SIPA1L3: variants seen among roughly 807,000 people sequenced by gnomAD.
SIPA1L3 encodes signal induced proliferation associated 1 like 3.
In SIPA1L3, 59 loss-of-function variants were observed where a neutral mutation model predicts 150.1. The observed-to-expected ratio is 0.39, with a 90% CI of 0.32 to 0.49. SIPA1L3 has a LOEUF of 0.49. Among genes scored for constraint, SIPA1L3 ranks in the 20% least tolerant of loss-of-function variants. The pLI is 0.86. For synonymous variants in SIPA1L3, 1,070 were observed against 1,077.6 expected (o/e 0.99, Z 0.14); for missense variants, 2,211 against 2,489.5 (o/e 0.89, Z 2.38).
chr19:38,195,792 G>GCC (rs1972909893), intron 18 of SIPA1L3, among the ~76,000 whole-genome samples: 1 of 22,788 alleles, frequency 4.4e-5, no homozygotes, highest in Non-Finnish European at 8.8e-5. Context: ...CACAGGCCCC[G>GCC]TCCCCCCCCG....
rs1220258076 is a variant in SIPA1L3, at chr19:37,963,654, C to A, written c.-379+56296C>A. ...TATTTATTGAGTTTTTGAGTAACTG[C>A]TTCTTGGGTAGTTATATGCCTTTGG... On this transcript the variant is annotated intron_variant, in intron 1 of 21. Transcript: ENST00000222345. Among the ~76,000 whole-genome samples the A allele has an allele frequency of 4.6e-5, 7 of 152,218 alleles. No individual in the cohort carries two copies. The East Asian group carries it at 1.3e-3, about 29-fold the overall frequency.
chr19:38,108,550 C>G (rs184237204), intron 7 of SIPA1L3: 5 of 152,226 alleles, frequency 3.3e-5, no homozygotes, highest in African/African-American at 1.2e-4. Context: ...ACTAACCATT[C>G]AACAGTAGGA....
At chr19:37,955,306 G>A (rs2046800540) in intron 1 of SIPA1L3, among the ~76,000 whole-genome samples, 1 of 151,342 alleles carries the variant, frequency 6.6e-6, no homozygotes, top group African/African-American at 2.4e-5. Context: ...CAGGAGAATC[G>A]CTTGAACCTA....
rs867751979 is a variant in SIPA1L3 at position 38,206,561 on chromosome 19, C to G, written c.*321C>G. The G allele has an allele frequency of 7.0e-5, 17 of 241,826 alleles. No homozygotes were observed. The highest frequency in any genetic ancestry group is 2.5e-4 in the South Asian group (2 of 7,858). 15.0% of individuals were successfully genotyped at this position (241,826 alleles called of 1,614,324 possible). On this transcript the variant is annotated 3_prime_UTR_variant, in exon 22 of 22. Coordinates refer to ENST00000222345, the MANE Select transcript of SIPA1L3 (RefSeq NM_015073.3). ...TAGCCTCTTCCTGGGACCAGCCCTTCGAAGCTGATGGGGACGGAGAGAGGA... is the reference window on the plus strand; with the variant it reads ...TAGCCTCTTCCTGGGACCAGCCCTTGGAAGCTGATGGGGACGGAGAGAGGA...
At chr19:38,070,191 C>CCTATCTAT (rs10546386) in intron 2 of SIPA1L3, among the ~76,000 whole-genome samples, 1,847 of 148,832 alleles carry the variant, frequency 0.012, 29 homozygotes, top group African/African-American at 0.025. Context: ...GATCTTCAGT[C>CCTATCTAT]CTATCTATCT....
chr19:38,147,924 A>G (rs1038550300), intron 12 of SIPA1L3, among the ~76,000 whole-genome samples: 5 of 152,132 alleles, frequency 3.3e-5, no homozygotes, highest in African/African-American at 1.2e-4. Flanking sequence ...GCTGACCCTG[A>G]CGTAGAACTT....
Position 38,177,132 on chromosome 19 carries a change from T to C in SIPA1L3, c.4209-5387T>C, listed in dbSNP as rs548191796. Among the ~76,000 whole-genome samples, 371 of 151,850 alleles carry C rather than the reference T, an allele frequency of 2.4e-3. 4 individuals are homozygous for C. Among genetic ancestry groups the C allele is most frequent in the African/African-American group, 8.5e-3 (354 of 41,420 alleles). ...ATCCTAGCACTTTGGGAGGCCAAGGTGGGCAGATCATGAGGTCAGGAGATC... is the reference window on the plus strand; with the variant it reads ...ATCCTAGCACTTTGGGAGGCCAAGGCGGGCAGATCATGAGGTCAGGAGATC... On this transcript the variant is annotated intron_variant, in intron 15 of 21. Transcript: ENST00000222345.
chr19:38,030,101 G>A (rs1008069375), intron 2 of SIPA1L3, among the ~76,000 whole-genome samples: 4 of 150,806 alleles, frequency 2.7e-5, no homozygotes, highest in Admixed American at 1.3e-4. Flanking sequence ...TGATCCATCC[G>A]CCTCAGCCTC....
At chr19:38,019,121 T>C (rs1312782365) in intron 1 of SIPA1L3, among the ~76,000 whole-genome samples, 1 of 152,232 alleles carries the variant, frequency 6.6e-6, no homozygotes, top group African/African-American at 2.4e-5. Context: ...TATGCAAGAC[T>C]ACCGGCTCAT....
chr19:38,020,664 G>C (rs150991863), intron 1 of SIPA1L3, among the ~76,000 whole-genome samples: 308 of 152,328 alleles, frequency 2.0e-3, no homozygotes, highest in African/African-American at 6.5e-3. Flanking sequence ...GCTGCCCTTA[G>C]TAGTGTGTTA....
chr19:38,064,340 C>T (rs889653205), intron 2 of SIPA1L3, among the ~76,000 whole-genome samples: 1 of 152,216 alleles, frequency 6.6e-6, no homozygotes, highest in Admixed American at 6.5e-5. Flanking sequence ...CCCAGAGGAA[C>T]AAGGGTTCCT....
At chr19:38,058,285 ACTAGAGCCTTT>A (rs1417215195) in intron 2 of SIPA1L3, among the ~76,000 whole-genome samples, 9 of 152,284 alleles carry the variant, frequency 5.9e-5, no homozygotes, top group African/African-American at 2.2e-4. Context: ...GAGGGTCATA[ACTAGAGCCTTT>A]CTAGAGCCTT....
At chr19:38,089,651 G>A (rs957418374) in intron 4 of SIPA1L3, among the ~76,000 whole-genome samples, 2 of 152,240 alleles carry the variant, frequency 1.3e-5, no homozygotes, top group Admixed American at 1.3e-4. Context: ...TTTCCATTCT[G>A]AGTAGAGAAG....
intron 2 of SIPA1L3, among the ~76,000 whole-genome samples, chr19:38,045,375 C>T: frequency 6.8e-6 from 1 of 147,272 alleles, no homozygotes; most frequent in Non-Finnish European, 1.5e-5. Context: ...GAGACTCTGT[C>T]TCAAAAAAAA....
intron 16 of SIPA1L3, among the ~76,000 whole-genome samples, chr19:38,189,409 G>A (rs1455975859): frequency 6.6e-6 from 1 of 152,092 alleles, no homozygotes; most frequent in Admixed American, 6.5e-5. Context: ...GGGATTACAG[G>A]CATGAGCCAC....
intron 1 of SIPA1L3, among the ~76,000 whole-genome samples, chr19:37,915,736 G>T (rs1840689217): frequency 6.6e-6 from 1 of 152,154 alleles, no homozygotes; most frequent in Non-Finnish European, 1.5e-5. Context: ...TCATACTATA[G>T]CCCATCAACT....
At chr19:37,971,863 G>C in intron 1 of SIPA1L3, among the ~76,000 whole-genome samples, 1 of 152,010 alleles carries the variant, frequency 6.6e-6, no homozygotes, top group South Asian at 2.1e-4. Context: ...CATCACGCCC[G>C]GCCTGAGTGT....
At chr19:37,940,053 T>C (rs1019872410) in intron 1 of SIPA1L3, among the ~76,000 whole-genome samples, 2 of 152,172 alleles carry the variant, frequency 1.3e-5, no homozygotes, top group Admixed American at 6.5e-5. Context: ...GCAGAGCTCG[T>C]ATTTTAAAAG....
At chr19:37,992,543 T>C (rs1599876263) in intron 1 of SIPA1L3, among the ~76,000 whole-genome samples, 1 of 151,784 alleles carries the variant, frequency 6.6e-6, no homozygotes, top group East Asian at 1.9e-4. Flanking sequence ...CCCAGCTACA[T>C]GGGAGGCTGA....
Sources: gnomAD v4.1 joint callset for allele counts (sites outside exome capture counted in the v4.1 genomes callset) on GRCh38, gnomAD v4.1.1 for gene constraint, MANE v1.5 for transcripts, NCBI Gene and HGNC (gene_info 2026-07-23, HGNC 2026-07-21) for gene names.